DDX24: variants seen among roughly 807,000 people sequenced by gnomAD.
DDX24 encodes DEAD-box helicase 24.
A neutral mutation model predicts 68.9 loss-of-function variants in DDX24; 24 were observed. That is an observed-to-expected ratio of 0.35 (90% CI 0.25 to 0.49). The LOEUF is 0.49. Among genes scored for constraint, DDX24 ranks in the 20% least tolerant of loss-of-function variants. The probability of loss-of-function intolerance (pLI) is 0.99; values close to 1 mark genes in which losing one functional copy is unlikely to be tolerated. For missense variants in DDX24, 989 were observed against 1,039.0 expected, an observed-to-expected ratio of 0.95 and a Z score of 0.66; for synonymous variants, 395 against 385.2, an observed-to-expected ratio of 1.03 and a Z score of -0.30.
At position 94,079,340 on chromosome 14, in the gene DDX24, C is replaced by T. The variant is rs1886009128; in HGVS notation, c.403G>A (p.Asp135Asn). 6.2e-7 allele frequency: 1 copy of T among 1,614,072 alleles called. No individual in the cohort carries two copies. Among genetic ancestry groups the T allele is most frequent in the East Asian group, 2.2e-5 (1 of 44,886 alleles). The change falls in exon 2 of 9, where the codon GAT becomes AAT. Residue 135 changes from aspartate to asparagine, a missense_variant. Coordinates refer to ENST00000621632, the MANE Select transcript of DDX24 (RefSeq NM_020414.4). The part of the protein sequence containing the change: ...LEAQGDDMVC[D>N]DPEAGEMTSE... The stretch of plus-strand genomic sequence containing the variant: ...GTCATCTCCCCAGCCTCCGGATCAT[C>T]ACAAACCATGTCATCTCCCTGGGCC...
At chr14:94,080,644 G>C (rs769319503) in intron 1 of DDX24, among the ~76,000 whole-genome samples, 25 of 152,124 alleles carry the variant, frequency 1.6e-4, no homozygotes, top group Non-Finnish European at 2.6e-4. Flanking sequence ...ATGGCGCCCG[G>C]CGAGGAGAGC....
At chr14:94,059,133 G>A (rs1315450669) in intron 5 of DDX24, among the ~76,000 whole-genome samples, 1 of 152,248 alleles carries the variant, frequency 6.6e-6, no homozygotes, top group Non-Finnish European at 1.5e-5. Context: ...CTTGTTCTAA[G>A]CTAATCTCAG....
intron 2 of DDX24, among the ~76,000 whole-genome samples, chr14:94,069,069 A>C (rs994191196): frequency 6.6e-6 from 1 of 152,164 alleles, no homozygotes; most frequent in Non-Finnish European, 1.5e-5. Flanking sequence ...AGATAAACAA[A>C]ACAAAAAGCT....
At chr14:94,065,525 C>T (rs1885685493) in intron 2 of DDX24, among the ~76,000 whole-genome samples, 1 of 152,200 alleles carries the variant, frequency 6.6e-6, no homozygotes, top group Non-Finnish European at 1.5e-5. Flanking sequence ...GACTAGATTG[C>T]AACTCCTGAA....
rs1185178053 is a variant in DDX24 at position 94,079,214 on chromosome 14, C to G, written c.529G>C (p.Ala177Pro). 7 of 1,614,056 alleles carry G rather than the reference C, an allele frequency of 4.3e-6. No individual in the cohort carries two copies. The highest frequency in any genetic ancestry group is 5.9e-6 in the Non-Finnish European group (7 of 1,180,046). Residue 177 changes from alanine (A) to proline (P), a missense_variant, in exon 2 of 9, where the codon GCG becomes CCG. Transcript: ENST00000621632. ...QSTAAKVPKK[A>P]KTWIPEVHDQ... is the part of the protein sequence containing the mutation. Reference sequence around the variant, plus strand: ...TGAACTTCAGGAATCCATGTCTTCGCTTTTTTGGGCACCTTGGCAGCAGTG... The same window carrying G: ...TGAACTTCAGGAATCCATGTCTTCGGTTTTTTGGGCACCTTGGCAGCAGTG...
Position 94,074,010 on chromosome 14 carries a change from T to G in DDX24, c.718+5015A>C, listed in dbSNP as rs375379627. Among the ~76,000 whole-genome samples the G allele has an allele frequency of 5.5e-5, 8 of 144,412 alleles. No individual in the cohort carries two copies. In the East Asian group the frequency reaches 1.2e-3, roughly 22 times the overall value. 94.7% of individuals were successfully genotyped at this position (144,412 alleles called of 152,430 possible). ...GTGAGCTGAGATCGCACCACTGCACTCCAGCCTGGGCAACAGACCGAGACT... is the reference window on the plus strand; with the variant it reads ...GTGAGCTGAGATCGCACCACTGCACGCCAGCCTGGGCAACAGACCGAGACT... On this transcript the variant is annotated intron_variant, in intron 2 of 8. Coordinates refer to ENST00000621632, the MANE Select transcript of DDX24 (RefSeq NM_020414.4).
rs1217933308 is a variant in DDX24, at chr14:94,069,773, A to G, written c.719-7152T>C. ...TAAAAACCAAAATCACATGATCTCA[A>G]TAGATGGAGAAAAAGCATTAGACAA... On this transcript the variant is annotated intron_variant, in intron 2 of 8. Transcript: ENST00000621632. Among the ~76,000 whole-genome samples the G allele has an allele frequency of 3.3e-5, 5 of 152,284 alleles. No homozygotes were observed. In the East Asian group the frequency reaches 9.7e-4, roughly 29 times the overall value.
chr14:94,061,784 A>G (rs1475355710), intron 3 of DDX24, among the ~76,000 whole-genome samples: 2 of 152,176 alleles, frequency 1.3e-5, no homozygotes, highest in Non-Finnish European at 2.9e-5. Flanking sequence ...AACCACAGAC[A>G]ATATAAAACC....
At position 94,052,575 on chromosome 14, in the gene DDX24, C is replaced by A. The variant is rs141538695; in HGVS notation, c.2308+423G>T. On this transcript the variant is annotated intron_variant, in intron 8 of 8. Transcript: ENST00000621632. Reference sequence around the variant, plus strand: ...GCCAGGCAATGCTATAAGCACTTAACATTTTTTAACTCAATCAGTCTTCAC... The same window carrying A: ...GCCAGGCAATGCTATAAGCACTTAAAATTTTTTAACTCAATCAGTCTTCAC... Among the ~76,000 whole-genome samples, 336 of 152,320 alleles carry A rather than the reference C, an allele frequency of 2.2e-3. 2 individuals carry two copies. Among genetic ancestry groups the A allele is most frequent in the Middle Eastern group, 0.017 (5 of 294 alleles).
chr14:94,058,422 T>C (rs1400392498), intron 5 of DDX24, among the ~76,000 whole-genome samples: 1 of 152,172 alleles, frequency 6.6e-6, no homozygotes, highest in Admixed American at 6.5e-5. Context: ...TGACCACACA[T>C]ACCCAATCTC....
At chr14:94,062,961 T>TC (rs1324612099) in intron 2 of DDX24, among the ~76,000 whole-genome samples, 1 of 152,238 alleles carries the variant, frequency 6.6e-6, no homozygotes, top group African/African-American at 2.4e-5. Context: ...TACAATACTT[T>TC]CCCAAGACTT....
chr14:94,074,042 C>CA (rs200305316), intron 2 of DDX24, among the ~76,000 whole-genome samples: 2,128 of 74,174 alleles, frequency 0.029, 38 homozygotes, highest in East Asian at 0.083. Flanking sequence ...GACTCCATCT[C>CA]AAAAAAAAAA....
intron 4 of DDX24, 41 bp from the exon 5 acceptor site, chr14:94,060,654 G>A: frequency 1.3e-6 from 2 of 1,594,470 alleles, no homozygotes; most frequent in Non-Finnish European, 8.5e-7. Flanking sequence ...TCAGCAGCGG[G>A]TTAAGAGGAA....
chr14:94,056,658 G>A (rs1237978234), intron 6 of DDX24: 1 of 152,174 alleles, frequency 6.6e-6, no homozygotes, highest in Non-Finnish European at 1.5e-5. Flanking sequence ...CAAAGCGGGG[G>A]GTCATGAGAA....
chr14:94,054,541 A>G (rs1468987295), intron 7 of DDX24, among the ~76,000 whole-genome samples: 2 of 152,200 alleles, frequency 1.3e-5, no homozygotes, highest in Non-Finnish European at 2.9e-5. Flanking sequence ...CACTTTGGTC[A>G]CTAATACAGT....
intron 1 of DDX24, among the ~76,000 whole-genome samples, chr14:94,080,638 C>T (rs901512285): frequency 6.6e-6 from 1 of 152,078 alleles, no homozygotes; most frequent in Non-Finnish European, 1.5e-5. Flanking sequence ...CTGAGCATGG[C>T]GCCCGGCGAG....
chr14:94,056,119 T>C (rs1885487046), intron 6 of DDX24: 1 of 152,246 alleles, frequency 6.6e-6, no homozygotes, highest in Non-Finnish European at 1.5e-5. Context: ...CCACAAAGGT[T>C]GACCCAGCTC....
chr14:94,070,026 G>C (rs1885797138), intron 2 of DDX24, among the ~76,000 whole-genome samples: 1 of 151,782 alleles, frequency 6.6e-6, no homozygotes, highest in Non-Finnish European at 1.5e-5. Flanking sequence ...AATAAGACAA[G>C]AGAAAAAAAA....
chr14:94,078,220 T>A (rs1885985665), intron 2 of DDX24, among the ~76,000 whole-genome samples: 1 of 152,180 alleles, frequency 6.6e-6, no homozygotes, highest in South Asian at 2.1e-4. Context: ...CCATTTTATA[T>A]CAGAGACTTG....
Sources: gnomAD v4.1 joint callset for allele counts (sites outside exome capture counted in the v4.1 genomes callset) on GRCh38, gnomAD v4.1.1 for gene constraint, MANE v1.5 for transcripts, NCBI Gene and HGNC (gene_info 2026-07-23, HGNC 2026-07-21) for gene names.